MAGI3: variants seen among roughly 807,000 people sequenced by gnomAD.
MAGI3 encodes membrane associated guanylate kinase, WW and PDZ domain containing 3, also known as membrane-associated guanylate kinase, WW and PDZ domain-containing protein 3.
MAGI3 carries 43 observed loss-of-function variants against 121.8 expected under a neutral mutation model. That is an observed-to-expected ratio of 0.35 (90% confidence interval 0.28 to 0.46). The LOEUF (loss-of-function observed/expected upper bound fraction) is 0.46. Ranked by LOEUF, MAGI3 falls within the 20% of genes least tolerant of loss-of-function variation. The probability of loss-of-function intolerance (pLI) is 1.00; values close to 1 mark genes in which losing one functional copy is unlikely to be tolerated. For synonymous variants in MAGI3, 553 were observed against 639.3 expected, an observed-to-expected ratio of 0.86 and a Z score of 2.04; for missense variants, 1,547 against 1,797.3, an observed-to-expected ratio of 0.86 and a Z score of 2.52.
At chr1:113,508,635 T>C (rs1347937175) in intron 1 of MAGI3, among the ~76,000 whole-genome samples, 3 of 152,228 alleles carry the variant, frequency 2.0e-5, no homozygotes, top group Admixed American at 1.3e-4. Flanking sequence ...TGAGTGCTGA[T>C]ATGCTTTCCC....
chr1:113,473,441 G>C, intron 1 of MAGI3, among the ~76,000 whole-genome samples: 1 of 86,804 alleles, frequency 1.2e-5, no homozygotes, highest in Non-Finnish European at 2.1e-5. Flanking sequence ...ACAGGCCCCA[G>C]TTTGTGATGC....
chr1:113,641,216 A>G (rs1413550952), intron 9 of MAGI3, among the ~76,000 whole-genome samples: 1 of 147,360 alleles, frequency 6.8e-6, no homozygotes, highest in Non-Finnish European at 1.5e-5. Flanking sequence ...TATAGGGGCT[A>G]TAGGAACTTG....
chr1:113,640,956 T>G (rs1652429254), intron 9 of MAGI3, among the ~76,000 whole-genome samples: 1 of 137,576 alleles, frequency 7.3e-6, no homozygotes, highest in Admixed American at 8.1e-5. Context: ...ATATATAATA[T>G]TAAATATATA....
rs558458251 is a variant in MAGI3, at chr1:113,509,250, T to C, written c.317-40265T>C. 1.3e-4 allele frequency among the ~76,000 whole-genome samples: 20 copies of C among 152,256 alleles called. No homozygotes were observed. In the East Asian group the frequency reaches 3.5e-3, roughly 26 times the overall value. ...ACCCCACTAACAACCCTAAAATGAA[T>C]GACTCCGTAGTTATTTTTACCTTCT... is the stretch of plus-strand genomic sequence containing the variant. On this transcript the variant is annotated intron_variant, in intron 1 of 20. Transcript: ENST00000307546.
chr1:113,503,219 TAAAAAAAAAAAAAAAAA>T (rs869272201), intron 1 of MAGI3, among the ~76,000 whole-genome samples: 10 of 8,994 alleles, frequency 1.1e-3, no homozygotes, highest in South Asian at 0.01. Context: ...AGAGTATAAT[TAAAAAAAAAAAAAAAAA>T]AAAAAAAAAA....
chr1:113,489,291 T>C lies in MAGI3; in HGVS notation c.317-60224T>C, dbSNP rs114112787. 3.3e-3 allele frequency among the ~76,000 whole-genome samples: 498 copies of C among 152,120 alleles called. 3 individuals carry two copies. Among genetic ancestry groups the C allele is most frequent in the African/African-American group, 0.011 (475 of 41,526 alleles). On this transcript the variant is annotated intron_variant, in intron 1 of 20. Transcript: ENST00000307546. ...AGTTGAGAGCTGAGCAGTGGCCCTCTAACACCTTCCAGAAATGAAGCCAGT... is the reference window on the plus strand; with the variant it reads ...AGTTGAGAGCTGAGCAGTGGCCCTCCAACACCTTCCAGAAATGAAGCCAGT...
At chr1:113,639,411 G>A (rs781064573) in intron 9 of MAGI3, among the ~76,000 whole-genome samples, 24 of 152,240 alleles carry the variant, frequency 1.6e-4, no homozygotes, top group East Asian at 7.7e-4. Flanking sequence ...TTGTTTGTTC[G>A]TTTGTTTGAG....
At chr1:113,585,168 G>A (rs1171284333) in intron 3 of MAGI3, among the ~76,000 whole-genome samples, 4 of 151,502 alleles carry the variant, frequency 2.6e-5, no homozygotes, top group Non-Finnish European at 5.9e-5. Flanking sequence ...GGGTTTTGCC[G>A]TGTTGGCCAA....
chr1:113,550,384 C>G (rs1659725810), intron 2 of MAGI3, among the ~76,000 whole-genome samples: 1 of 151,300 alleles, frequency 6.6e-6, no homozygotes. Context: ...CCACTGCAGT[C>G]CGGCCTGGGT....
intron 2 of MAGI3, among the ~76,000 whole-genome samples, chr1:113,554,068 CAG>C (rs1189611625): frequency 2.0e-5 from 3 of 152,074 alleles, no homozygotes; most frequent in Admixed American, 1.3e-4. Context: ...ACAAAATATT[CAG>C]AGTGTCCAGC....
At chr1:113,629,763 C>CTCTCTCCCTCTCCCT in intron 9 of MAGI3, among the ~76,000 whole-genome samples, 1 of 45,216 alleles carries the variant, frequency 2.2e-5, no homozygotes, top group East Asian at 4.0e-4. Context: ...TCTCTCTCTC[C>CTCTCTCCCTCTCCCT]CTCCCTCCCT....
chr1:113,399,919 A>G (rs1651313008), intron 1 of MAGI3, among the ~76,000 whole-genome samples: 1 of 152,180 alleles, frequency 6.6e-6, no homozygotes, highest in Admixed American at 6.5e-5. Context: ...CTTTTTAAAC[A>G]CAAATTGAGA....
At chr1:113,587,788 A>G (rs1557838320) in intron 4 of MAGI3, among the ~76,000 whole-genome samples, 1 of 152,216 alleles carries the variant, frequency 6.6e-6, no homozygotes, top group Non-Finnish European at 1.5e-5. Flanking sequence ...GAAAAGTGTT[A>G]TAGATCATAT....
chr1:113,662,422 C>T (rs1653831814), intron 16 of MAGI3, among the ~76,000 whole-genome samples: 1 of 152,002 alleles, frequency 6.6e-6, no homozygotes, highest in Non-Finnish European at 1.5e-5. Context: ...CTGGTAGTTC[C>T]TGCTTACTGT....
intron 1 of MAGI3, among the ~76,000 whole-genome samples, chr1:113,395,116 T>TTTTTTTTTTTTTTTA (rs1651035975): frequency 1.1e-5 from 1 of 90,524 alleles, no homozygotes; most frequent in African/African-American, 4.5e-5. Flanking sequence ...TTTTTTTTTT[T>TTTTTTTTTTTTTTTA]AGTGGGATAT....
intron 1 of MAGI3, among the ~76,000 whole-genome samples, chr1:113,493,281 G>C (rs938893467): frequency 2.0e-5 from 3 of 152,110 alleles, no homozygotes; most frequent in Non-Finnish European, 4.4e-5. Flanking sequence ...ACACAAACAA[G>C]CAATGGGGAA....
chr1:113,613,293 C>G (rs1650271304), intron 6 of MAGI3, among the ~76,000 whole-genome samples: 1 of 152,086 alleles, frequency 6.6e-6, no homozygotes, highest in East Asian at 1.9e-4. Context: ...CAACCAGGTC[C>G]TTCAAAGGAA....
chr1:113,416,435 A>G (rs1444998820), intron 1 of MAGI3, among the ~76,000 whole-genome samples: 1 of 123,840 alleles, frequency 8.1e-6, no homozygotes, highest in African/African-American at 3.1e-5. Context: ...AATATATATT[A>G]ATTATATATG....
At chr1:113,485,649 CAGA>C (rs1656348388) in intron 1 of MAGI3, among the ~76,000 whole-genome samples, 1 of 152,200 alleles carries the variant, frequency 6.6e-6, no homozygotes. Flanking sequence ...TTTTGCTTCG[CAGA>C]AGCTTTATAG....
Sources: gnomAD v4.1 joint callset for allele counts (sites outside exome capture counted in the v4.1 genomes callset) on GRCh38, gnomAD v4.1.1 for gene constraint, MANE v1.5 for transcripts, NCBI Gene and HGNC (gene_info 2026-07-23, HGNC 2026-07-21) for gene names.